PIK3CB: variants seen among roughly 807,000 people sequenced by gnomAD.
PIK3CB encodes phosphatidylinositol-4,5-bisphosphate 3-kinase catalytic subunit beta.
PIK3CB carries 39 observed loss-of-function variants against 136.8 expected under a neutral mutation model. The observed-to-expected ratio is 0.29, with a 90% CI of 0.22 to 0.37. The LOEUF (loss-of-function observed/expected upper bound fraction) is 0.37. PIK3CB is among the 10% of genes least tolerant of loss of function. The pLI, the probability that PIK3CB is intolerant of heterozygous loss-of-function variation, is 1.00. For missense variants in PIK3CB, 868 were observed against 1,275.4 expected (o/e 0.68, Z 4.87); for synonymous variants, 428 against 436.6 (o/e 0.98, Z 0.25).
chr3:138,693,284 C>T (rs1279102391), intron 14 of PIK3CB, among the ~76,000 whole-genome samples: 3 of 151,970 alleles, frequency 2.0e-5, no homozygotes, highest in South Asian at 2.1e-4. Context: ...TTGGTAGAGA[C>T]GGGGCTTAAC....
At chr3:138,793,793 G>A (rs1449289594) in intron 2 of PIK3CB, among the ~76,000 whole-genome samples, 2 of 152,100 alleles carry the variant, frequency 1.3e-5, no homozygotes, top group Admixed American at 6.6e-5. Context: ...GCCAAGGCAG[G>A]AGGATCGCTT....
chr3:138,762,139 C>T lies in PIK3CB; in HGVS notation c.-16-2780G>A, dbSNP rs572833758. On this transcript the variant is annotated intron_variant, in intron 2 of 23. Coordinates refer to ENST00000674063, the MANE Select transcript of PIK3CB (RefSeq NM_006219.3). ...TGGTTCAAGCCTGTAATCCCAGCTA[C>T]TCAGGAGGCTGAGGCAGGAGAATCG... 3.3e-5 allele frequency among the ~76,000 whole-genome samples: 5 copies of T among 152,062 alleles called. No individual in the cohort carries two copies. In the South Asian group the frequency reaches 1.0e-3, roughly 32 times the overall value.
intron 13 of PIK3CB, 116 bp from the exon 14 acceptor site, chr3:138,695,023 T>G (rs763049732): frequency 1.1e-6 from 1 of 902,586 alleles, no homozygotes; most frequent in Non-Finnish European, 1.6e-6. Context: ...CTTTTAATTA[T>G]TGATGCCTCA....
In PIK3CB at chr3:138,682,033, T is replaced by A; in HGVS notation, c.2438A>T (p.Asp813Val). The A allele has an allele frequency of 6.2e-7, 1 of 1,610,698 alleles. No homozygotes were observed. Among genetic ancestry groups the A allele is most frequent in the South Asian group, 1.1e-5 (1 of 90,408 alleles). Residue 813 changes from aspartate to valine, a missense_variant, in exon 19 of 24, where the codon GAT (aspartate) becomes GTT (valine). Around this residue, in one of 4 missense-constraint regions of PIK3CB, gnomAD observed 165 missense variants for 295.4 expected, o/e 0.56. Coordinates refer to ENST00000674063, the MANE Select transcript of PIK3CB (RefSeq NM_006219.3). ...GCGCAACATTTGGAGTGTCAACATATCCTGTCGTAAATCTAAGGGAAAACA... is the reference window on the plus strand; with the variant it reads ...GCGCAACATTTGGAGTGTCAACATAACCTGTCGTAAATCTAAGGGAAAACA... ...IFKNGDDLRQ[D>V]MLTLQMLRLM...
intron 4 of PIK3CB, among the ~76,000 whole-genome samples, chr3:138,745,438 G>T (rs1228620032): frequency 6.6e-6 from 1 of 152,130 alleles, no homozygotes. Context: ...TTCAAGACCA[G>T]CCTGGCCAAC....
chr3:138,682,871 T>C (rs361065), intron 18 of PIK3CB, among the ~76,000 whole-genome samples: 77,164 of 152,014 alleles, frequency 0.51, 22,198 homozygotes, highest in East Asian at 0.98. Flanking sequence ...TGAAGCTCAA[T>C]CAGTTTTCTG....
In PIK3CB at chr3:138,655,121, G is replaced by A; in HGVS notation, c.*268C>T. On this transcript the variant is annotated 3_prime_UTR_variant, in exon 24 of 24. Transcript: ENST00000674063. The stretch of plus-strand genomic sequence containing the variant: ...CAAACAAAAACGGAAACAATCCCTA[G>A]TAGCATTCCTTGGCGTGCAAAGTCA... 1 of 426,758 alleles carries A rather than the reference G, an allele frequency of 2.3e-6. No individual in the cohort carries two copies. 26.4% of individuals were successfully genotyped at this position (426,758 alleles called of 1,614,324 possible).
At chr3:138,806,294 T>C (rs2046233828) in intron 1 of PIK3CB, among the ~76,000 whole-genome samples, 1 of 152,096 alleles carries the variant, frequency 6.6e-6, no homozygotes, top group Non-Finnish European at 1.5e-5. Context: ...GAGACCAGCC[T>C]GGCCAACATG....
At chr3:138,720,580 T>C (rs961049246) in intron 8 of PIK3CB, among the ~76,000 whole-genome samples, 28 of 152,264 alleles carry the variant, frequency 1.8e-4, no homozygotes, top group African/African-American at 5.8e-4. Flanking sequence ...AAAATTACTA[T>C]TTCAGGCTGG....
At chr3:138,791,415 G>A (rs1165311218) in intron 2 of PIK3CB, among the ~76,000 whole-genome samples, 1 of 152,126 alleles carries the variant, frequency 6.6e-6, no homozygotes, top group East Asian at 1.9e-4. Context: ...GATTACAGGC[G>A]TGAGCCACTG....
At chr3:138,672,724 CA>C (rs1444770507) in intron 19 of PIK3CB, among the ~76,000 whole-genome samples, 1 of 151,776 alleles carries the variant, frequency 6.6e-6, no homozygotes, top group Non-Finnish European at 1.5e-5. Flanking sequence ...CCAGCCTGGC[CA>C]ACATGGTGAA....
At chr3:138,678,281 T>G (rs1398820717) in intron 19 of PIK3CB, among the ~76,000 whole-genome samples, 1 of 152,056 alleles carries the variant, frequency 6.6e-6, no homozygotes, top group Non-Finnish European at 1.5e-5. Flanking sequence ...GAGCTAGGAT[T>G]GTGTTACCAA....
chr3:138,767,411 G>A (rs1354127728), intron 2 of PIK3CB, among the ~76,000 whole-genome samples: 2 of 152,136 alleles, frequency 1.3e-5, no homozygotes, highest in Admixed American at 6.5e-5. Context: ...GCTTCACACA[G>A]TCCACTTTCA....
chr3:138,726,248 A>C (rs182475677), intron 8 of PIK3CB, among the ~76,000 whole-genome samples: 41 of 152,362 alleles, frequency 2.7e-4, no homozygotes, highest in African/African-American at 9.4e-4. Flanking sequence ...GATAACTTTA[A>C]GAGGTTGCTT....
chr3:138,672,059 G>C (rs1229479962), intron 19 of PIK3CB, among the ~76,000 whole-genome samples: 1 of 150,828 alleles, frequency 6.6e-6, no homozygotes, highest in Admixed American at 6.6e-5. Context: ...AAGGCAAAAA[G>C]GAAAAAAAAG....
At chr3:138,810,880 A>G (rs1933005972) in intron 1 of PIK3CB, among the ~76,000 whole-genome samples, 1 of 151,774 alleles carries the variant, frequency 6.6e-6, no homozygotes, top group Admixed American at 6.6e-5. Flanking sequence ...AGATCGTGCC[A>G]CTGCACTCCA....
intron 1 of PIK3CB, among the ~76,000 whole-genome samples, chr3:138,816,594 C>T (rs949576854): frequency 1.3e-4 from 9 of 69,748 alleles, no homozygotes; most frequent in Non-Finnish European, 2.8e-5. Context: ...GAGTTTGTCT[C>T]AAAATAAATA....
chr3:138,700,105 C>G (rs745864969), intron 12 of PIK3CB, among the ~76,000 whole-genome samples: 3 of 152,108 alleles, frequency 2.0e-5, no homozygotes, highest in Admixed American at 6.6e-5. Flanking sequence ...GCTTGCAGTT[C>G]TAGCTACTCA....
chr3:138,658,252 C>T (rs576909638), intron 21 of PIK3CB, among the ~76,000 whole-genome samples: 1 of 152,044 alleles, frequency 6.6e-6, no homozygotes, highest in Non-Finnish European at 1.5e-5. Context: ...AGTTCAAGGC[C>T]AGCCTAGGCA....
Sources: allele counts gnomAD v4.1 joint callset (sites outside exome capture counted in the v4.1 genomes callset), GRCh38; gene constraint gnomAD v4.1.1; regional missense constraint gnomAD v4.1.1; transcripts MANE v1.5; gene names NCBI Gene and HGNC (gene_info 2026-07-23, HGNC 2026-07-21).